Variants in MAPT observed in about 807,000 individuals in gnomAD.
MAPT encodes microtubule associated protein tau.
In MAPT, 34 loss-of-function variants were observed where a neutral mutation model predicts 67.9. The ratio of observed to expected loss-of-function variants is 0.50; its 90% CI spans 0.38 to 0.67. The LOEUF (loss-of-function observed/expected upper bound fraction) is 0.67. Ranked by LOEUF, MAPT falls within the 30% of genes least tolerant of loss-of-function variation. The pLI is 0.00. For synonymous variants in MAPT, 456 were observed against 464.5 expected, an observed-to-expected ratio of 0.98 and a Z score of 0.23; for missense variants, 881 against 1,115.2, an observed-to-expected ratio of 0.79 and a Z score of 2.99.
intron 10 of MAPT, among the ~76,000 whole-genome samples, chr17:46,012,421 A>G (rs1454236718): frequency 2.0e-5 from 3 of 152,102 alleles, no homozygotes; most frequent in Non-Finnish European, 4.4e-5. Context: ...GTGACCTGGC[A>G]GAGAGCCACC....
At chr17:46,005,209 A>C (rs1422758838) in intron 9 of MAPT, among the ~76,000 whole-genome samples, 10 of 152,192 alleles carry the variant, frequency 6.6e-5, no homozygotes, top group Non-Finnish European at 1.3e-4. Context: ...AAAACTGGTA[A>C]GTTTTCTTTG....
chr17:45,987,713 T>G (rs1184333649), intron 6 of MAPT, among the ~76,000 whole-genome samples: 1 of 152,260 alleles, frequency 6.6e-6, no homozygotes, highest in African/African-American at 2.4e-5. Flanking sequence ...GCATCTCCAG[T>G]TGCCACATAG....
Position 46,024,018 on chromosome 17 carries a change from G to A in MAPT, c.2349G>A (p.Glu783=), listed in dbSNP as rs142776675. The change falls in exon 13 of 13, where the codon GAG becomes GAA. Residue 783 remains glutamate, a synonymous_variant. Coordinates refer to ENST00000262410, the MANE Select transcript of MAPT (RefSeq NM_001377265.1). The stretch of plus-strand genomic sequence containing the variant: ...AAGCCAAGACAGACCACGGGGCGGA[G>A]ATCGTGTACAAGTCGCCAGTGGTGT... ...NAKAKTDHGA[E]IVYKSPVVSG... 1.9e-4 allele frequency: 313 copies of A among 1,614,016 alleles called. No homozygotes were observed. Among genetic ancestry groups the A allele is most frequent in the Non-Finnish European group, 2.5e-4 (293 of 1,180,044 alleles).
At chr17:45,987,766 G>T (rs1197343215) in intron 6 of MAPT, among the ~76,000 whole-genome samples, 1 of 152,240 alleles carries the variant, frequency 6.6e-6, no homozygotes, top group African/African-American at 2.4e-5. Context: ...TCCCGGAAGT[G>T]CCTGCAGAGT....
At chr17:45,922,822 AC>A (rs1853112054) in intron 1 of MAPT, among the ~76,000 whole-genome samples, 1 of 152,184 alleles carries the variant, frequency 6.6e-6, no homozygotes, top group South Asian at 2.1e-4. Context: ...CAGAAACAAA[AC>A]AAAAAAAAAA....
intron 1 of MAPT, among the ~76,000 whole-genome samples, chr17:45,929,691 T>C (rs544287973): frequency 5.9e-5 from 9 of 152,376 alleles, no homozygotes; most frequent in Admixed American, 1.3e-4. Flanking sequence ...GTTGTTGTTA[T>C]TGTTGTTTTA....
intron 1 of MAPT, among the ~76,000 whole-genome samples, chr17:45,951,822 A>T (rs563798617): frequency 1.3e-5 from 2 of 152,158 alleles, no homozygotes; most frequent in South Asian, 4.2e-4. Flanking sequence ...GCCTCCCCTA[A>T]AATGTGTTCC....
At position 45,985,611 on chromosome 17, in the gene MAPT, C is replaced by T. The variant is rs537044681; in HGVS notation, c.1352-1429C>T. The T allele has an allele frequency of 1.9e-4, 169 of 910,802 alleles. No homozygotes were observed. The African/African-American group carries it at 2.3e-3, about 12-fold the overall frequency. The allele number at this position is 910,802 out of a possible 1,614,324, so 56.4% of individuals were successfully genotyped here. The stretch of plus-strand genomic sequence containing the variant: ...CCATTGTGACCCTCTGAGAAGGTCA[C>T]AGAGTGGGTTTCCCAAACTTACTTG... On this transcript the variant is annotated intron_variant, in intron 5 of 12. Coordinates refer to ENST00000262410, the MANE Select transcript of MAPT (RefSeq NM_001377265.1).
intron 3 of MAPT, chr17:45,977,143 G>C (rs1568266614): frequency 6.6e-6 from 1 of 152,488 alleles, no homozygotes; most frequent in Non-Finnish European, 1.5e-5. Context: ...TGGGAGCCCC[G>C]TGAGCCCATT....
intron 1 of MAPT, chr17:45,895,225 C>G (rs2063097161): frequency 6.6e-6 from 1 of 152,270 alleles, no homozygotes; most frequent in Admixed American, 6.5e-5. Flanking sequence ...CCTGCACCTC[C>G]CGAGCAGTGA....
intron 1 of MAPT, among the ~76,000 whole-genome samples, chr17:45,901,736 C>A (rs1294279463): frequency 6.6e-6 from 1 of 152,122 alleles, no homozygotes; most frequent in African/African-American, 2.4e-5. Context: ...AATTTGTTCA[C>A]CCATCTTTTG....
At chr17:45,960,766 A>C (rs1328860153) in intron 1 of MAPT, among the ~76,000 whole-genome samples, 1 of 151,762 alleles carries the variant, frequency 6.6e-6, no homozygotes, top group Non-Finnish European at 1.5e-5. Context: ...CAGCCTGGGC[A>C]ACATAGTGAG....
rs142398605 is a variant in MAPT, at chr17:46,002,526, C to A, written c.1998+5862C>A. 1.8e-4 allele frequency among the ~76,000 whole-genome samples: 27 copies of A among 152,074 alleles called. No individual in the cohort carries two copies. The East Asian group carries it at 5.1e-3, about 28-fold the overall frequency. ...CCCAGGGGCCCAAGCATGGGGGGGC[C>A]TGGTTGGCTCTGAGAAGATGGAGCT... On this transcript the variant is annotated intron_variant, in intron 9 of 12. Transcript: ENST00000262410.
chr17:46,023,931 C>T, intron 12 of MAPT, 25 bp from the exon 13 acceptor site: 2 of 1,603,364 alleles, frequency 1.2e-6, no homozygotes, highest in Non-Finnish European at 1.7e-6. Context: ...TTCATCTCAC[C>T]CTCCCTCCCT....
chr17:45,952,755 A>G (rs912480255), intron 1 of MAPT, among the ~76,000 whole-genome samples: 1 of 152,176 alleles, frequency 6.6e-6, no homozygotes, highest in Non-Finnish European at 1.5e-5. Context: ...TGGGCGGCAA[A>G]GAACCTGAAG....
intron 2 of MAPT, among the ~76,000 whole-genome samples, chr17:45,963,455 C>T (rs764194810): frequency 6.6e-6 from 1 of 152,050 alleles, no homozygotes; most frequent in Admixed American, 6.6e-5. Context: ...AGGCTGTCTC[C>T]GCGCTGGGTT....
At chr17:45,952,479 A>G (rs2069181209) in intron 1 of MAPT, among the ~76,000 whole-genome samples, 1 of 152,194 alleles carries the variant, frequency 6.6e-6, no homozygotes, top group East Asian at 1.9e-4. Context: ...TACAAAATAA[A>G]GGTTCATAAA....
Position 46,010,009 on chromosome 17 carries a change from TGCCATC to T in MAPT, c.1999-300_1999-295del. ...CCCCTCTGGGGTTCAGGCCTCACGA[TGCCATC>T]CTTTTGTGAAGTGAGGACCTGCAAT... On this transcript the variant is annotated intron_variant, in intron 9 of 12. Transcript: ENST00000262410. This position sits in a 1 kb window ranked among gnomAD's most constrained non-coding sequence, Gnocchi z 4.7. 6.6e-6 allele frequency among the ~76,000 whole-genome samples: 1 copy of T among 152,244 alleles called. No individual in the cohort carries two copies. Among genetic ancestry groups the T allele is most frequent in the Non-Finnish European group, 1.5e-5 (1 of 68,036 alleles).
chr17:45,933,369 C>T (rs1383746490), intron 1 of MAPT, among the ~76,000 whole-genome samples: 4 of 151,764 alleles, frequency 2.6e-5, no homozygotes, highest in South Asian at 2.1e-4. Flanking sequence ...CTCAGCCTCC[C>T]GAGTAGCTGG....
Sources: gnomAD v4.1 joint callset for allele counts (sites outside exome capture counted in the v4.1 genomes callset) on GRCh38, gnomAD v4.1.1 for gene constraint, Gnocchi (gnomAD v3.1) non-coding constraint, MANE v1.5 for transcripts, NCBI Gene and HGNC (gene_info 2026-07-23, HGNC 2026-07-21) for gene names.